The following DAB1 variants were observed in gnomAD, a reference collection of about 807,000 sequenced individuals.
The protein encoded by DAB1 is DAB adaptor protein 1.
In DAB1, 15 loss-of-function variants were observed where a neutral mutation model predicts 64.6. The ratio of observed to expected loss-of-function variants is 0.23; its 90% CI spans 0.16 to 0.36. The LOEUF (loss-of-function observed/expected upper bound fraction) is 0.36, where lower values mean the gene tolerates loss of function less well. Ranked by LOEUF, DAB1 falls within the 10% of genes least tolerant of loss-of-function variation. DAB1 has a pLI of 1.00. For synonymous variants in DAB1, 235 were observed against 251.9 expected, an observed-to-expected ratio of 0.93 and a Z score of 0.64; for missense variants, 596 against 706.7, an observed-to-expected ratio of 0.84 and a Z score of 1.78.
At chr1:58,502,667 G>GAC (rs1284666482) in intron 3 of DAB1, among the ~76,000 whole-genome samples, 1 of 152,218 alleles carries the variant, frequency 6.6e-6, no homozygotes, top group Non-Finnish European at 1.5e-5. Flanking sequence ...TACTGCCTGA[G>GAC]AAACTGCCTT....
At chr1:57,164,624 T>A (rs1030612335) in intron 2 of DAB1, among the ~76,000 whole-genome samples, 5 of 152,194 alleles carry the variant, frequency 3.3e-5, no homozygotes, top group African/African-American at 9.6e-5. Context: ...AAATGTAGAA[T>A]TCTGAGTAGT....
At chr1:58,153,932 T>C (rs762055022) in intron 4 of DAB1, among the ~76,000 whole-genome samples, 1 of 150,756 alleles carries the variant, frequency 6.6e-6, no homozygotes, top group Non-Finnish European at 1.5e-5. Flanking sequence ...CCAAAACTAC[T>C]GTACCTTGTG....
intron 7 of DAB1, among the ~76,000 whole-genome samples, chr1:57,537,369 C>G (rs921557993): frequency 6.6e-6 from 1 of 152,122 alleles, no homozygotes; most frequent in Non-Finnish European, 1.5e-5. Context: ...TTGCGATGCT[C>G]TTCAGGTTAT....
intron 3 of DAB1, among the ~76,000 whole-genome samples, chr1:58,433,811 G>A (rs945557101): frequency 6.6e-6 from 1 of 151,998 alleles, no homozygotes; most frequent in Non-Finnish European, 1.5e-5. Flanking sequence ...ACCTCTTAAC[G>A]GTCCAACCTC....
At chr1:57,036,641 AT>A (rs1054639718) in intron 9 of DAB1, among the ~76,000 whole-genome samples, 5 of 152,066 alleles carry the variant, frequency 3.3e-5, no homozygotes, top group East Asian at 1.9e-4. Context: ...TTTCTTACAG[AT>A]TTTTTTCATA....
rs865997074 is a variant in DAB1 at position 58,518,287 on chromosome 1, A to G, written n.107+8974T>C. On this transcript the variant is annotated intron_variant and non_coding_transcript_variant, in intron 2 of 20. Transcript: ENST00000485760. The stretch of plus-strand genomic sequence containing the variant: ...AGAGGAGAGAGGAGAGGAGAAGAGA[A>G]GAGAAGAGAAGAGAAGAGAAGAGAA... Among the ~76,000 whole-genome samples, 113 of 17,894 alleles carry G rather than the reference A, an allele frequency of 6.3e-3. 7 individuals carry two copies. The highest frequency in any genetic ancestry group is 7.6e-3 in the Non-Finnish European group (72 of 9,518). The allele number at this position is 17,894 out of a possible 152,430, so 11.7% of individuals were successfully genotyped here.
intron 7 of DAB1, among the ~76,000 whole-genome samples, chr1:57,632,452 A>C (rs1435849372): frequency 6.6e-6 from 1 of 152,220 alleles, no homozygotes; most frequent in Non-Finnish European, 1.5e-5. Context: ...TGAGACTAGA[A>C]GCAGAGAGGA....
intron 4 of DAB1, among the ~76,000 whole-genome samples, chr1:57,118,330 T>A (rs961143754): frequency 6.6e-6 from 1 of 152,158 alleles, no homozygotes. Flanking sequence ...CAAAACTGAT[T>A]GGAAGTCTGA....
At chr1:57,837,690 T>G (rs1652866398) in intron 1 of DAB1, among the ~76,000 whole-genome samples, 1 of 152,120 alleles carries the variant, frequency 6.6e-6, no homozygotes, top group African/African-American at 2.4e-5. Flanking sequence ...CTTGCTGTGA[T>G]TTCCCCCATA....
chr1:57,208,547 T>C (rs1296804425), intron 2 of DAB1, among the ~76,000 whole-genome samples: 2 of 152,214 alleles, frequency 1.3e-5, no homozygotes, highest in African/African-American at 2.4e-5. Context: ...GGCGTATATG[T>C]AGCATTCCAC....
In DAB1 at chr1:58,015,599, C is replaced by T. The variant is rs12031705; in HGVS notation, n.388-131437G>A. On this transcript the variant is annotated intron_variant and non_coding_transcript_variant, in intron 5 of 20. Transcript: ENST00000485760. ...TTTTCTCCATGGAGAATGTGTTGGT[C>T]ATGTTTGTGTTCCCAACATCTATGC... 9.9e-3 allele frequency among the ~76,000 whole-genome samples: 1,504 copies of T among 152,206 alleles called. 49 individuals carry two copies. The highest frequency in any genetic ancestry group is 0.091 in the East Asian group (468 of 5,168).
At chr1:57,813,435 T>C (rs11207112) in intron 6 of DAB1, among the ~76,000 whole-genome samples, 60,144 of 152,044 alleles carry the variant, frequency 0.4, 12,202 homozygotes, top group South Asian at 0.51. Context: ...CTGTGCATTG[T>C]ATTGGGACAC....
At chr1:57,584,555 G>C (rs1645354961) in intron 7 of DAB1, among the ~76,000 whole-genome samples, 1 of 152,116 alleles carries the variant, frequency 6.6e-6, no homozygotes, top group African/African-American at 2.4e-5. Context: ...CCTGGGCTCG[G>C]CACCTCTGCA....
At chr1:57,595,367 T>C (rs932894731) in intron 7 of DAB1, among the ~76,000 whole-genome samples, 5 of 152,098 alleles carry the variant, frequency 3.3e-5, no homozygotes, top group Non-Finnish European at 7.4e-5. Flanking sequence ...CCCAAATCTC[T>C]CAATCTAACC....
intron 4 of DAB1, among the ~76,000 whole-genome samples, chr1:58,152,463 C>T (rs906666361): frequency 2.0e-5 from 3 of 152,156 alleles, no homozygotes; most frequent in African/African-American, 7.2e-5. Context: ...GCACATCAGG[C>T]ACAAGCCTTC....
At position 57,991,985 on chromosome 1, in the gene DAB1, C is replaced by T. The variant is rs899822492; in HGVS notation, n.388-107823G>A. On this transcript the variant is annotated intron_variant and non_coding_transcript_variant, in intron 5 of 20. Coordinates refer to the DAB1 transcript ENST00000485760. ...CCAGGTAGAGACCTGCACAAGCAGA[C>T]GCAGAGACACAGCAGAGTGGAGACC... 7.9e-5 allele frequency among the ~76,000 whole-genome samples: 12 copies of T among 151,786 alleles called. 1 individual carries two copies. In the East Asian group the frequency reaches 1.6e-3, roughly 20 times the overall value.
At chr1:57,100,764 G>T in intron 4 of DAB1, among the ~76,000 whole-genome samples, 1 of 146,510 alleles carries the variant, frequency 6.8e-6, no homozygotes. Context: ...TGGGGTGGGG[G>T]TGGGGGTGGG....
chr1:57,313,597 C>T (rs1240661775), intron 1 of DAB1, among the ~76,000 whole-genome samples: 2 of 152,174 alleles, frequency 1.3e-5, no homozygotes, highest in Non-Finnish European at 2.9e-5. Context: ...ATGGCACCTG[C>T]CACTCAAGAT....
At chr1:57,147,998 T>C (rs1360838720) in intron 2 of DAB1, among the ~76,000 whole-genome samples, 3 of 152,206 alleles carry the variant, frequency 2.0e-5, no homozygotes, top group Admixed American at 2.0e-4. Flanking sequence ...GTTGCTTCTT[T>C]TCTACGCAAC....
Sources: allele counts gnomAD v4.1 joint callset (sites outside exome capture counted in the v4.1 genomes callset), GRCh38; gene constraint gnomAD v4.1.1; transcripts MANE v1.5; gene names NCBI Gene and HGNC (gene_info 2026-07-23, HGNC 2026-07-21).